The following CNBD1 variants were observed in gnomAD, a reference collection of about 807,000 sequenced individuals.
The protein encoded by CNBD1 is cyclic nucleotide binding domain containing 1.
In CNBD1, 71 loss-of-function variants were observed where a neutral mutation model predicts 54.4. That is an observed-to-expected ratio of 1.30 (90% CI 1.08 to 1.59). The LOEUF (loss-of-function observed/expected upper bound fraction) is 1.59. Ranked by LOEUF, CNBD1 falls within the 40% of genes most tolerant of loss-of-function variation. The probability of loss-of-function intolerance (pLI) is 0.00; values close to 1 mark genes in which losing one functional copy is unlikely to be tolerated. For missense variants in CNBD1, 659 were observed against 518.0 expected (o/e 1.27, Z -2.64); for synonymous variants, 182 against 170.7 (o/e 1.07, Z -0.51).
chr8:87,013,957 A>T (rs1327497461), intron 4 of CNBD1, among the ~76,000 whole-genome samples: 1 of 151,790 alleles, frequency 6.6e-6, no homozygotes, highest in Admixed American at 6.6e-5. Flanking sequence ...TATTATCAAA[A>T]ATATAAAAGT....
At chr8:87,414,638 C>T (rs1807807410) in intron 2 of CNBD1, among the ~76,000 whole-genome samples, 1 of 151,948 alleles carries the variant, frequency 6.6e-6, no homozygotes, top group Non-Finnish European at 1.5e-5. Flanking sequence ...CATATAATAA[C>T]AATATATCTT....
chr8:87,101,452 T>C (rs1223329797), intron 4 of CNBD1, among the ~76,000 whole-genome samples: 1 of 151,856 alleles, frequency 6.6e-6, no homozygotes, highest in East Asian at 1.9e-4. Flanking sequence ...AATATATATA[T>C]ATATGTCTAA....
chr8:86,999,251 A>G (rs1808943883), intron 4 of CNBD1, among the ~76,000 whole-genome samples: 1 of 152,170 alleles, frequency 6.6e-6, no homozygotes, highest in South Asian at 2.1e-4. Context: ...AGAGTGGATT[A>G]AGAGAAAAGG....
intron 4 of CNBD1, among the ~76,000 whole-genome samples, chr8:87,172,614 A>G (rs1265029725): frequency 6.6e-6 from 1 of 151,996 alleles, no homozygotes; most frequent in Non-Finnish European, 1.5e-5. Context: ...TGACCTGTTT[A>G]TCATTATATA....
At chr8:86,989,579 T>C (rs546550570) in intron 4 of CNBD1, among the ~76,000 whole-genome samples, 1 of 152,286 alleles carries the variant, frequency 6.6e-6, no homozygotes, top group East Asian at 1.9e-4. Flanking sequence ...GCCTCCCAAG[T>C]AGCTGGGATT....
intron 8 of CNBD1, among the ~76,000 whole-genome samples, chr8:87,287,441 G>C (rs142219589): frequency 2.0e-5 from 3 of 152,260 alleles, no homozygotes; most frequent in African/African-American, 7.2e-5. Context: ...GCCAGTGAAG[G>C]AGCCAGAACT....
At chr8:87,135,433 A>G (rs1246997056) in intron 4 of CNBD1, among the ~76,000 whole-genome samples, 1 of 151,574 alleles carries the variant, frequency 6.6e-6, no homozygotes, top group Non-Finnish European at 1.5e-5. Flanking sequence ...ATATTGCTTT[A>G]GCAAATGTCA....
At chr8:87,355,257 T>C (rs1464412835) in intron 10 of CNBD1, among the ~76,000 whole-genome samples, 1 of 152,154 alleles carries the variant, frequency 6.6e-6, no homozygotes, top group African/African-American at 2.4e-5. Flanking sequence ...GTTTTGAAAT[T>C]ACTAAAATCT....
At chr8:86,998,789 C>A (rs960125957) in intron 4 of CNBD1, among the ~76,000 whole-genome samples, 1 of 152,144 alleles carries the variant, frequency 6.6e-6, no homozygotes, top group Non-Finnish European at 1.5e-5. Flanking sequence ...CCAGATCAAC[C>A]AGTGGGTGTG....
At chr8:86,894,393 C>T (rs74885455) in intron 2 of CNBD1, among the ~76,000 whole-genome samples, 1 of 152,104 alleles carries the variant, frequency 6.6e-6, no homozygotes, top group Non-Finnish European at 1.5e-5. Flanking sequence ...TTTGGCTTTA[C>T]AAAAAAATTG....
intron 1 of CNBD1, among the ~76,000 whole-genome samples, chr8:86,878,592 A>T (rs74790189): frequency 7.0e-6 from 1 of 142,814 alleles, no homozygotes; most frequent in South Asian, 2.3e-4. Context: ...AAAAAAAAAA[A>T]TGAGTGTTAT....
chr8:87,175,135 A>G (rs1813170906), intron 4 of CNBD1, among the ~76,000 whole-genome samples: 1 of 152,144 alleles, frequency 6.6e-6, no homozygotes, highest in Non-Finnish European at 1.5e-5. Flanking sequence ...AAAGCCAACT[A>G]GGCTTGTTTC....
At chr8:87,276,839 C>T (rs1303759443) in intron 6 of CNBD1, among the ~76,000 whole-genome samples, 1 of 136,634 alleles carries the variant, frequency 7.3e-6, no homozygotes, top group Non-Finnish European at 1.6e-5. Flanking sequence ...AATAAATGAG[C>T]AGAAAATAGT....
intron 4 of CNBD1, among the ~76,000 whole-genome samples, chr8:87,189,965 G>T (rs569479840): frequency 3.5e-4 from 53 of 152,128 alleles, no homozygotes; most frequent in South Asian, 1.5e-3. Context: ...CAGGAAAAAG[G>T]GATACATAGA....
chr8:87,005,697 G>T (rs1563855286), intron 4 of CNBD1, among the ~76,000 whole-genome samples: 2 of 152,040 alleles, frequency 1.3e-5, no homozygotes, highest in Admixed American at 1.3e-4. Flanking sequence ...ACAAAGGAAA[G>T]AAATTGAACT....
At chr8:87,353,601 T>C (rs1371363280) in intron 9 of CNBD1, 35 bp from the exon 10 acceptor site, 1 of 1,374,664 alleles carries the variant, frequency 7.3e-7, no homozygotes, top group East Asian at 2.3e-5. Flanking sequence ...ATGGAAGCAG[T>C]TGCATTAAAC....
chr8:87,396,217 A>T (rs1241932457), intron 2 of CNBD1, among the ~76,000 whole-genome samples: 1 of 151,946 alleles, frequency 6.6e-6, no homozygotes. Context: ...GACCATTGTG[A>T]CTTATGAGAT....
intron 4 of CNBD1, among the ~76,000 whole-genome samples, chr8:87,020,297 T>C (rs1809458483): frequency 1.3e-5 from 2 of 152,126 alleles, no homozygotes; most frequent in African/African-American, 2.4e-5. Flanking sequence ...CATCAGACCA[T>C]GTCCTCCCCC....
At chr8:87,334,933 C>T (rs1809913141) in intron 8 of CNBD1, among the ~76,000 whole-genome samples, 1 of 151,846 alleles carries the variant, frequency 6.6e-6, no homozygotes, top group South Asian at 2.1e-4. Context: ...ACCATTTTGG[C>T]CAGGATGGTC....
Sources: allele counts gnomAD v4.1 joint callset (sites outside exome capture counted in the v4.1 genomes callset), GRCh38; gene constraint gnomAD v4.1.1; transcripts MANE v1.5; gene names NCBI Gene and HGNC (gene_info 2026-07-23, HGNC 2026-07-21).